The following PRKAB2 variants were observed in gnomAD, a reference collection of about 807,000 sequenced individuals.
The protein encoded by PRKAB2 is 5'-AMP-activated protein kinase subunit beta-2.
A neutral mutation model predicts 29.8 loss-of-function variants in PRKAB2; 18 were observed. The ratio of observed to expected loss-of-function variants is 0.60; its 90% CI spans 0.42 to 0.89. The LOEUF (loss-of-function observed/expected upper bound fraction) is 0.89, where lower values mean the gene tolerates loss of function less well. Ranked by LOEUF, PRKAB2 falls within the 40% of genes least tolerant of loss-of-function variation. PRKAB2 has a pLI of 0.00. For synonymous variants in PRKAB2, 136 were observed against 125.9 expected (o/e 1.08, Z -0.54); for missense variants, 270 against 344.3 (o/e 0.78, Z 1.71).
chr1:147,172,454 A>G lies in PRKAB2; in HGVS notation c.-49T>C. 1 of 463,678 alleles carries G rather than the reference A, an allele frequency of 2.2e-6. No homozygotes were observed. Among genetic ancestry groups the G allele is most frequent in the South Asian group, 2.9e-5 (1 of 34,708 alleles). 28.7% of individuals were successfully genotyped at this position (463,678 alleles called of 1,614,324 possible). ...CTCGGGCGATGCGCTCCCTCCTCCA[A>G]GGGCCACTGATGTGATGGCTGTTCT... On this transcript the variant is annotated 5_prime_UTR_variant, in exon 1 of 8. Transcript: ENST00000254101.
chr1:147,159,144 CA>C lies in PRKAB2; in HGVS notation c.*420del, dbSNP rs1653819769. On this transcript the variant is annotated 3_prime_UTR_variant, in exon 8 of 8. Transcript: ENST00000254101. ...GCTGTTAAGTAGGGCAGCGGTCTAG[CA>C]CAAGCCCATTCCTTGGAGAGCCAAG... 1.2e-5 allele frequency: 2 copies of C among 172,974 alleles called. No individual in the cohort carries two copies. The highest frequency in any genetic ancestry group is 2.8e-4 in the South Asian group (2 of 7,036). 10.7% of individuals were successfully genotyped at this position (172,974 alleles called of 1,614,324 possible).
intron 5 of PRKAB2, 109 bp downstream of exon 5, chr1:147,166,389 C>A: frequency 8.1e-7 from 1 of 1,235,754 alleles, no homozygotes; most frequent in Non-Finnish European, 1.1e-6. Flanking sequence ...CTCCTCCCCC[C>A]AACCCCCTGC....
At chr1:147,161,560 G>C (rs1436846996) in intron 7 of PRKAB2, 152 bp downstream of exon 7, 4 of 655,062 alleles carry the variant, frequency 6.1e-6, no homozygotes, top group Non-Finnish European at 1.0e-5. Context: ...AAACAACCTA[G>C]TAGTTAAAAA....
At position 147,171,974 on chromosome 1, in the gene PRKAB2, G is replaced by C. The variant is rs782434060; in HGVS notation, c.156+15C>G. The stretch of plus-strand genomic sequence containing the variant: ...GCTGCAGTACTGACACCAACTGCGG[G>C]CATGGGACGCTTACCTTGGAGTCAG... On this transcript the variant is annotated intron_variant, in intron 2 of 7. Transcript: ENST00000254101. The C allele has an allele frequency of 6.3e-7, 1 of 1,596,326 alleles. No individual in the cohort carries two copies.
chr1:147,162,710 C>T, intron 5 of PRKAB2, 137 bp from the exon 6 acceptor site: 1 of 913,060 alleles, frequency 1.1e-6, no homozygotes, highest in East Asian at 2.8e-5. Flanking sequence ...GTGGGATCTA[C>T]AGCTGTAAGG....
At position 147,161,793 on chromosome 1, in the gene PRKAB2, G is replaced by T. The variant is rs782018121; in HGVS notation, c.673-13C>A. ...AGGCTGGGTCACACTAAGAGAAAGA[G>T]AAAAAAATTACTAAAAAAATTACTA... On this transcript the variant is annotated splice_polypyrimidine_tract_variant and intron_variant, in intron 6 of 7. Coordinates refer to ENST00000254101, the MANE Select transcript of PRKAB2 (RefSeq NM_005399.5). 3.7e-5 allele frequency: 58 copies of T among 1,585,714 alleles called. 1 individual carries two copies. The Admixed American group carries it at 4.5e-4, about 12-fold the overall frequency.
intron 5 of PRKAB2, among the ~76,000 whole-genome samples, chr1:147,164,560 T>C (rs1553913448): frequency 6.6e-6 from 1 of 152,208 alleles, no homozygotes; most frequent in Non-Finnish European, 1.5e-5. Context: ...CTTGAAACCT[T>C]ACAAAGTATT....
intron 6 of PRKAB2, 76 bp downstream of exon 6, chr1:147,162,364 C>G: frequency 8.6e-6 from 12 of 1,396,762 alleles, no homozygotes; most frequent in African/African-American, 1.4e-5. Flanking sequence ...GTAATCCTAA[C>G]CTCTAGGATT....
chr1:147,160,175 C>A (rs1461710233), intron 7 of PRKAB2, among the ~76,000 whole-genome samples: 1 of 152,152 alleles, frequency 6.6e-6, no homozygotes, highest in African/African-American at 2.4e-5. Flanking sequence ...CAAAAGATCT[C>A]TCTGATTTAG....
Position 147,167,897 on chromosome 1 carries a change from C to A in PRKAB2, c.193G>T (p.Asp65Tyr). The A allele has an allele frequency of 6.2e-7, 1 of 1,613,928 alleles. No individual in the cohort carries two copies. Among genetic ancestry groups the A allele is most frequent in the South Asian group, 1.1e-5 (1 of 91,042 alleles). ...GTGGGCTTTACGGAGTCCTCCAAATCCTGCTGCCATGATACAAACTCTTTG... is the reference window on the plus strand; with the variant it reads ...GTGGGCTTTACGGAGTCCTCCAAATACTGCTGCCATGATACAAACTCTTTG... ...GDKEFVSWQQ[D>Y]LEDSVKPTQQ... The change falls in exon 3 of 8, where the codon GAT becomes TAT. Residue 65 changes from aspartate to tyrosine, a missense_variant. Physicochemically the swap from Asp to Tyr is radical, Grantham distance 160. Around this residue, in one of 2 missense-constraint regions of PRKAB2, gnomAD observed 228 missense variants for 255.5 expected, o/e 0.89. Transcript: ENST00000254101.
At position 147,166,879 on chromosome 1, in the gene PRKAB2, A is replaced by G; in HGVS notation, c.384T>C (p.Phe128=). The G allele has an allele frequency of 6.2e-7, 1 of 1,614,154 alleles. No individual in the cohort carries two copies. The highest frequency in any genetic ancestry group is 1.3e-5 in the African/African-American group (1 of 75,060). Reference sequence around the variant, plus strand: ...GATCATGAACCCACTGTCCATCCACAAAGAACTTGTATTGGTGCTCTCCCT... The same window carrying G: ...GATCATGAACCCACTGTCCATCCACGAAGAACTTGTATTGGTGCTCTCCCT... ...LPEGEHQYKF[F]VDGQWVHDPS... is the part of the protein sequence containing the mutation. Residue 128 remains phenylalanine (F), a synonymous_variant, in exon 4 of 8, where the codon TTT becomes TTC. Transcript: ENST00000254101.
chr1:147,168,586 T>C (rs1255896608), intron 2 of PRKAB2, among the ~76,000 whole-genome samples: 1 of 152,224 alleles, frequency 6.6e-6, no homozygotes, highest in Non-Finnish European at 1.5e-5. Flanking sequence ...GGAATAAAAA[T>C]TCTAGAACCT....
chr1:147,159,337 T>C lies in PRKAB2; in HGVS notation c.*228A>G, dbSNP rs2304893. ...CTAGCTGGGGCTAGGAGGCTTCCAT[T>C]TACCTTCTTCTCATATGTATATTTT... is the stretch of plus-strand genomic sequence containing the variant. On this transcript the variant is annotated 3_prime_UTR_variant, in exon 8 of 8. Transcript: ENST00000254101. The C allele has an allele frequency of 0.11, 52,500 of 482,770 alleles. 5,129 individuals are homozygous for C. Among genetic ancestry groups the C allele is most frequent in the East Asian group, 0.41 (13,018 of 31,686 alleles). 29.9% of individuals were successfully genotyped at this position (482,770 alleles called of 1,614,324 possible). A position where few individuals can be genotyped will look rare whatever the true frequency, so the allele number is the denominator to read the frequency against.
rs999981283 is a variant in PRKAB2, at chr1:147,157,588, G to A, written c.*1977C>T. ...CACATACATATTACATTTCAATACT[G>A]TTGACAAGAAATATAACAAACTTCA... On this transcript the variant is annotated 3_prime_UTR_variant, in exon 8 of 8. Coordinates refer to ENST00000254101, the MANE Select transcript of PRKAB2 (RefSeq NM_005399.5). 2 of 152,088 alleles carry A rather than the reference G, an allele frequency of 1.3e-5. 1 individual carries two copies. Among genetic ancestry groups the A allele is most frequent in the East Asian group, 3.8e-4 (2 of 5,198 alleles). The allele number at this position is 152,088 out of a possible 1,614,324, so 9.4% of individuals were successfully genotyped here. A position where few individuals can be genotyped will look rare whatever the true frequency, so the allele number is the denominator to read the frequency against.
chr1:147,161,681 A>G (rs371007846), intron 7 of PRKAB2, 31 bp downstream of exon 7: 74 of 1,558,914 alleles, frequency 4.7e-5, no homozygotes, highest in Non-Finnish European at 6.3e-5. Flanking sequence ...CATTCCAGGG[A>G]GCTCTGTGAA....
At chr1:147,164,814 A>T (rs1056063886) in intron 5 of PRKAB2, among the ~76,000 whole-genome samples, 2 of 152,224 alleles carry the variant, frequency 1.3e-5, no homozygotes, top group African/African-American at 4.8e-5. Flanking sequence ...TATCAAAAGT[A>T]TGCAAGTCTT....
intron 6 of PRKAB2, 32 bp from the exon 7 acceptor site, chr1:147,161,812 A>T: frequency 1.3e-6 from 2 of 1,534,302 alleles, no homozygotes; most frequent in African/African-American, 1.4e-5. Flanking sequence ...TACTAAAAAA[A>T]TTACTAAATG....
intron 5 of PRKAB2, among the ~76,000 whole-genome samples, chr1:147,163,284 T>C (rs1247417040): frequency 2.6e-5 from 4 of 152,246 alleles, no homozygotes; most frequent in African/African-American, 9.6e-5. Flanking sequence ...GAAAACAGTT[T>C]GGCAGTTCCT....
chr1:147,167,258 A>AGAT (rs1375776320), intron 3 of PRKAB2, among the ~76,000 whole-genome samples: 13 of 152,288 alleles, frequency 8.5e-5, no homozygotes, highest in Admixed American at 7.8e-4. Context: ...AGTGCAAATA[A>AGAT]GATAGGTAGG....
Sources: gnomAD v4.1 joint callset for allele counts (sites outside exome capture counted in the v4.1 genomes callset) on GRCh38, gnomAD v4.1.1 for gene constraint, gnomAD v4.1.1 regional missense constraint, MANE v1.5 for transcripts, NCBI Gene and HGNC (gene_info 2026-07-23, HGNC 2026-07-21) for gene names.